TBC1D12: variants seen among roughly 807,000 people sequenced by gnomAD.
TBC1D12 encodes the protein TBC1 domain family, member 12.
In TBC1D12, 56 loss-of-function variants were observed where a neutral mutation model predicts 86.7. The observed-to-expected ratio is 0.65, with a 90% confidence interval of 0.52 to 0.81. TBC1D12 has a LOEUF of 0.81. Among genes scored for constraint, TBC1D12 ranks in the 30% least tolerant of loss-of-function variants. The probability of loss-of-function intolerance (pLI) is 0.00; values close to 1 mark genes in which losing one functional copy is unlikely to be tolerated. For missense variants in TBC1D12, 1,023 were observed against 1,038.8 expected (o/e 0.98, Z 0.21); for synonymous variants, 421 against 411.7 (o/e 1.02, Z -0.27).
In TBC1D12 at chr10:94,533,218, A is replaced by G; in HGVS notation, c.*122A>G. 2 of 555,422 alleles carry G rather than the reference A, an allele frequency of 3.6e-6. No homozygotes were observed. Among genetic ancestry groups the G allele is most frequent in the Non-Finnish European group, 6.2e-6 (2 of 323,126 alleles). The allele number at this position is 555,422 out of a possible 1,614,324, so 34.4% of individuals were successfully genotyped here. On this transcript the variant is annotated 3_prime_UTR_variant, in exon 13 of 13. Coordinates refer to ENST00000225235, the MANE Select transcript of TBC1D12 (RefSeq NM_015188.2). ...ATACCTAAAAGAATCAAGAGGTGGA[A>G]AACTGCTGATTTTACATTTTATGGC... is the stretch of plus-strand genomic sequence containing the variant.
chr10:94,418,770 G>A (rs1447041073), intron 1 of TBC1D12, among the ~76,000 whole-genome samples: 4 of 151,516 alleles, frequency 2.6e-5, no homozygotes, highest in Admixed American at 6.6e-5. Flanking sequence ...GTGAGGTTTC[G>A]CCATGTTGGT....
At chr10:94,456,698 A>G (rs1038792258) in intron 2 of TBC1D12, among the ~76,000 whole-genome samples, 1 of 152,216 alleles carries the variant, frequency 6.6e-6, no homozygotes, top group African/African-American at 2.4e-5. Flanking sequence ...GACTGATGGT[A>G]CTGTTGTTAA....
At chr10:94,531,985 A>T (rs1161725056) in intron 12 of TBC1D12, among the ~76,000 whole-genome samples, 1 of 150,844 alleles carries the variant, frequency 6.6e-6, no homozygotes, top group African/African-American at 2.4e-5. Flanking sequence ...GGTTCACACC[A>T]TTCTCCTGCC....
chr10:94,484,620 C>T (rs1161850407), intron 3 of TBC1D12, among the ~76,000 whole-genome samples: 1 of 152,066 alleles, frequency 6.6e-6, no homozygotes, highest in African/African-American at 2.4e-5. Flanking sequence ...ATTGTTTTTT[C>T]TATTTCTGTG....
At chr10:94,452,201 C>G (rs889811390) in intron 2 of TBC1D12, among the ~76,000 whole-genome samples, 2 of 151,948 alleles carry the variant, frequency 1.3e-5, no homozygotes, top group Admixed American at 6.6e-5. Flanking sequence ...CATATAACTC[C>G]TGTCCCCACA....
At chr10:94,531,832 ATGT>A (rs1385953719) in intron 12 of TBC1D12, among the ~76,000 whole-genome samples, 26 of 142,660 alleles carry the variant, frequency 1.8e-4, no homozygotes, top group African/African-American at 6.5e-4. Context: ...ATTTTATTTT[ATGT>A]TATTTTATTT....
chr10:94,494,393 T>C (rs1276915127), intron 4 of TBC1D12, among the ~76,000 whole-genome samples: 2 of 152,238 alleles, frequency 1.3e-5, no homozygotes, highest in Non-Finnish European at 2.9e-5. Flanking sequence ...TATTTTGGAA[T>C]TGAAGTTACT....
At chr10:94,480,937 T>C (rs1376411262) in intron 3 of TBC1D12, among the ~76,000 whole-genome samples, 3 of 151,808 alleles carry the variant, frequency 2.0e-5, no homozygotes, top group African/African-American at 7.3e-5. Context: ...GCAGAATGAA[T>C]GTTGTGATGG....
Position 94,403,263 on chromosome 10 carries a change from G to C in TBC1D12, c.650G>C (p.Ser217Thr), listed in dbSNP as rs765596560. Residue 217 changes from serine to threonine, a missense_variant, in exon 1 of 13, where the codon AGC becomes ACC. This residue lies in a region of TBC1D12 where 628 missense variants were observed against 531.1 expected (regional missense o/e 1.18). Coordinates refer to ENST00000225235, the MANE Select transcript of TBC1D12 (RefSeq NM_015188.2). ...ADAQEPEGAG[S>T]DSGDSPASSC... Reference sequence around the variant, plus strand: ...GCCCAGGAGCCCGAGGGCGCGGGCAGCGACTCGGGGGACAGCCCCGCCAGC... The same window carrying C: ...GCCCAGGAGCCCGAGGGCGCGGGCACCGACTCGGGGGACAGCCCCGCCAGC... The C allele has an allele frequency of 1.3e-6, 2 of 1,503,646 alleles. No homozygotes were observed. Among genetic ancestry groups the C allele is most frequent in the African/African-American group, 2.9e-5 (2 of 68,556 alleles). The allele number at this position is 1,503,646 out of a possible 1,614,324, so 93.1% of individuals were successfully genotyped here. A position where few individuals can be genotyped will look rare whatever the true frequency, so the allele number is the denominator to read the frequency against.
chr10:94,475,206 A>T (rs1376594872), intron 3 of TBC1D12, among the ~76,000 whole-genome samples: 2 of 152,180 alleles, frequency 1.3e-5, no homozygotes, highest in African/African-American at 4.8e-5. Flanking sequence ...CCTCCATCTT[A>T]ACATGATAGG....
intron 1 of TBC1D12, among the ~76,000 whole-genome samples, chr10:94,425,263 GT>G (rs1001514033): frequency 6.6e-6 from 1 of 152,042 alleles, no homozygotes; most frequent in South Asian, 2.1e-4. Context: ...AAATGAGGGA[GT>G]TTTTTTGGCG....
At chr10:94,479,809 A>G (rs934054902) in intron 3 of TBC1D12, among the ~76,000 whole-genome samples, 8 of 152,230 alleles carry the variant, frequency 5.3e-5, no homozygotes, top group Admixed American at 6.5e-5. Context: ...TCAGCTACAC[A>G]TAAGAGACTC....
In TBC1D12 at chr10:94,403,176, C is replaced by A. The variant is rs569863734; in HGVS notation, c.563C>A (p.Pro188Gln). The A allele has an allele frequency of 2.0e-6, 3 of 1,466,550 alleles. No individual in the cohort carries two copies. Among genetic ancestry groups the A allele is most frequent in the Non-Finnish European group, 1.8e-6 (2 of 1,113,520 alleles). 90.8% of individuals were successfully genotyped at this position (1,466,550 alleles called of 1,614,324 possible). Residue 188 changes from proline (P) to glutamine (Q), a missense_variant, in exon 1 of 13, where the codon CCG becomes CAG. Pro to Gln is a moderately conservative substitution (Grantham distance 76, BLOSUM62 -1). Around this residue, in one of 2 missense-constraint regions of TBC1D12, gnomAD observed 628 missense variants for 531.1 expected, o/e 1.18. Coordinates refer to ENST00000225235, the MANE Select transcript of TBC1D12 (RefSeq NM_015188.2). The part of the protein sequence containing the change: ...GDEDADGAGS[P>Q]SDWASPLEDP... ...GAGGACGCGGACGGCGCGGGAAGCCCGTCCGATTGGGCCTCTCCGCTTGAG... is the reference window on the plus strand; with the variant it reads ...GAGGACGCGGACGGCGCGGGAAGCCAGTCCGATTGGGCCTCTCCGCTTGAG...
chr10:94,444,767 T>C (rs1298051176), intron 2 of TBC1D12, among the ~76,000 whole-genome samples: 2 of 150,518 alleles, frequency 1.3e-5, no homozygotes, highest in Non-Finnish European at 3.0e-5. Context: ...AGTCTTGCTC[T>C]GTCGCCCAGG....
At chr10:94,481,234 A>G (rs1220322754) in intron 3 of TBC1D12, among the ~76,000 whole-genome samples, 1 of 152,176 alleles carries the variant, frequency 6.6e-6, no homozygotes, top group Non-Finnish European at 1.5e-5. Flanking sequence ...TAAAGTCACT[A>G]GTTACATTGG....
Position 94,535,000 on chromosome 10 carries a change from G to A in TBC1D12, c.*1904G>A, listed in dbSNP as rs1842516120. ...CTTTTCCCAGTCAGGTGCTGTCCAG[G>A]GAACATGTTTCCCTTGGGAGGTCTG... On this transcript the variant is annotated 3_prime_UTR_variant, in exon 13 of 13. Transcript: ENST00000225235. 6.6e-6 allele frequency: 1 copy of A among 152,122 alleles called. No individual in the cohort carries two copies. Among genetic ancestry groups the A allele is most frequent in the African/African-American group, 2.4e-5 (1 of 41,422 alleles). The allele number at this position is 152,122 out of a possible 1,614,324, so 9.4% of individuals were successfully genotyped here. A position where few individuals can be genotyped will look rare whatever the true frequency, so the allele number is the denominator to read the frequency against.
At chr10:94,432,334 A>T (rs982678280) in intron 1 of TBC1D12, among the ~76,000 whole-genome samples, 4 of 152,170 alleles carry the variant, frequency 2.6e-5, no homozygotes, top group African/African-American at 9.7e-5. Context: ...CCCCCTTAAG[A>T]TTTAATAAAG....
chr10:94,421,376 C>T (rs2055071229), intron 1 of TBC1D12, among the ~76,000 whole-genome samples: 1 of 152,192 alleles, frequency 6.6e-6, no homozygotes, highest in Non-Finnish European at 1.5e-5. Context: ...TTTAAAAATG[C>T]TGAATATATT....
intron 2 of TBC1D12, among the ~76,000 whole-genome samples, chr10:94,456,809 A>T (rs1418899654): frequency 1.3e-5 from 2 of 152,162 alleles, no homozygotes; most frequent in Admixed American, 1.3e-4. Flanking sequence ...TACTCCTTGT[A>T]GTTCTATCCG....
Sources: allele counts gnomAD v4.1 joint callset (sites outside exome capture counted in the v4.1 genomes callset), GRCh38; gene constraint gnomAD v4.1.1; regional missense constraint gnomAD v4.1.1; transcripts MANE v1.5; gene names NCBI Gene and HGNC (gene_info 2026-07-23, HGNC 2026-07-21).